Variants in SIPA1L3 observed in about 807,000 individuals in gnomAD.
SIPA1L3 encodes signal induced proliferation associated 1 like 3, also known as signal-induced proliferation-associated 1-like protein 3.
A neutral mutation model predicts 150.1 loss-of-function variants in SIPA1L3; 59 were observed. The observed-to-expected ratio is 0.39, with a 90% CI of 0.32 to 0.49. The LOEUF is 0.49. SIPA1L3 is among the 20% of genes least tolerant of loss of function. The pLI is 0.86. For synonymous variants in SIPA1L3, 1,070 were observed against 1,077.6 expected (o/e 0.99, Z 0.14); for missense variants, 2,211 against 2,489.5 (o/e 0.89, Z 2.38).
chr19:38,081,281 C>T lies in SIPA1L3; in HGVS notation c.-285C>T, dbSNP rs769530892. ...CATGGCGAGGACAACATCCTTGCTG[C>T]CTCCAGCTGGCGGGCGACCACAGCT... On this transcript the variant is annotated 5_prime_UTR_variant, in exon 3 of 22. Coordinates refer to ENST00000222345, the MANE Select transcript of SIPA1L3 (RefSeq NM_015073.3). 2.4e-5 allele frequency: 10 copies of T among 423,750 alleles called. No individual in the cohort carries two copies. The highest frequency in any genetic ancestry group is 3.3e-5 in the Non-Finnish European group (8 of 239,808). 26.2% of individuals were successfully genotyped at this position (423,750 alleles called of 1,614,324 possible).
At chr19:38,079,489 A>G (rs1306669412) in intron 2 of SIPA1L3, among the ~76,000 whole-genome samples, 4 of 152,156 alleles carry the variant, frequency 2.6e-5, no homozygotes, top group Non-Finnish European at 5.9e-5. Flanking sequence ...AAAGGCTTCC[A>G]GAAGACCGGG....
intron 9 of SIPA1L3, among the ~76,000 whole-genome samples, chr19:38,124,439 G>A (rs1171894178): frequency 1.3e-5 from 2 of 151,336 alleles, no homozygotes; most frequent in Non-Finnish European, 2.9e-5. Flanking sequence ...CTTCCTAGAT[G>A]GGATGGCGGC....
rs575958512 is a variant in SIPA1L3 at position 37,977,592 on chromosome 19, C to A, written c.-378-51497C>A. On this transcript the variant is annotated intron_variant, in intron 1 of 21. Transcript: ENST00000222345. ...TGGCAGTCCCCTCCACGCCCCCCCC[C>A]ACAGAAGTAGGAGGAACGAGGGAGA... Among the ~76,000 whole-genome samples the A allele has an allele frequency of 1.0e-3, 156 of 152,258 alleles. 1 individual carries two copies. The highest frequency in any genetic ancestry group is 2.7e-3 in the African/African-American group (112 of 41,530).
At chr19:38,098,721 C>T (rs979188871) in intron 4 of SIPA1L3, among the ~76,000 whole-genome samples, 1 of 152,160 alleles carries the variant, frequency 6.6e-6, no homozygotes, top group Non-Finnish European at 1.5e-5. Flanking sequence ...CAATTCTCCT[C>T]ATATCTCATT....
chr19:38,098,262 A>G (rs548038532), intron 4 of SIPA1L3, among the ~76,000 whole-genome samples: 18 of 152,318 alleles, frequency 1.2e-4, no homozygotes, highest in African/African-American at 4.3e-4. Context: ...GGCAGCTGCA[A>G]GGATTAACTT....
At chr19:38,152,708 C>T in intron 12 of SIPA1L3, 132 bp from the exon 13 acceptor site, 1 of 945,652 alleles carries the variant, frequency 1.1e-6, no homozygotes, top group Non-Finnish European at 1.5e-6. Flanking sequence ...TTCCTAACCG[C>T]TTTCTCTCAT....
intron 10 of SIPA1L3, among the ~76,000 whole-genome samples, chr19:38,139,000 A>C (rs897913739): frequency 1.3e-5 from 2 of 151,564 alleles, no homozygotes; most frequent in African/African-American, 4.8e-5. Context: ...ATTCAAGACC[A>C]GCCTGGGCAA....
intron 10 of SIPA1L3, among the ~76,000 whole-genome samples, chr19:38,136,859 C>A (rs190303745): frequency 6.6e-6 from 1 of 152,254 alleles, no homozygotes; most frequent in East Asian, 1.9e-4. Context: ...TTCCAGAGCC[C>A]CAAGGTGGTT....
At position 38,082,701 on chromosome 19, in the gene SIPA1L3, C is replaced by T. The variant is rs1034352819; in HGVS notation, c.1136C>T (p.Ser379Leu). ...GGTGCTTCGGCCGCTTCCGCCGCCT[C>T]GGCCATGGCCTCCCTCACGGCCTCG... ...TTGASAASAA[S>L]AMASLTASRA... Residue 379 changes from serine (S) to leucine (L), a missense_variant, in exon 3 of 22, where the codon TCG becomes TTG. Coordinates refer to ENST00000222345, the MANE Select transcript of SIPA1L3 (RefSeq NM_015073.3). 30 of 1,610,126 alleles carry T rather than the reference C, an allele frequency of 1.9e-5. No homozygotes were observed. The highest frequency in any genetic ancestry group is 2.5e-5 in the Non-Finnish European group (30 of 1,178,916).
intron 2 of SIPA1L3, among the ~76,000 whole-genome samples, chr19:38,066,552 G>A (rs565702747): frequency 6.6e-5 from 10 of 152,306 alleles, no homozygotes; most frequent in Admixed American, 3.3e-4. Flanking sequence ...GAAGCCAGGC[G>A]CGGTGGCTCA....
intron 10 of SIPA1L3, among the ~76,000 whole-genome samples, chr19:38,140,964 A>C (rs554838355): frequency 1.5e-4 from 22 of 150,818 alleles, no homozygotes; most frequent in Admixed American, 1.3e-3. Context: ...AGGCTGAGGC[A>C]CGAGAATCGC....
At chr19:37,995,523 CG>C (rs1967617426) in intron 1 of SIPA1L3, among the ~76,000 whole-genome samples, 1 of 152,012 alleles carries the variant, frequency 6.6e-6, no homozygotes, top group Admixed American at 6.6e-5. Flanking sequence ...GCTGCAAGTG[CG>C]GGGGAACACA....
chr19:37,975,985 A>G (rs1967065297), intron 1 of SIPA1L3, among the ~76,000 whole-genome samples: 1 of 152,006 alleles, frequency 6.6e-6, no homozygotes, highest in South Asian at 2.1e-4. Context: ...GGCGCCAGTA[A>G]TCTCAGCTAC....
intron 13 of SIPA1L3, among the ~76,000 whole-genome samples, chr19:38,155,037 A>G (rs968464020): frequency 2.6e-5 from 4 of 152,200 alleles, no homozygotes; most frequent in Non-Finnish European, 5.9e-5. Context: ...CTGAGATTAC[A>G]GGTGTGAGCC....
intron 1 of SIPA1L3, among the ~76,000 whole-genome samples, chr19:37,981,733 C>T (rs1461132808): frequency 1.3e-5 from 2 of 152,150 alleles, no homozygotes. Flanking sequence ...GGACACCTTC[C>T]CGCAAATCCT....
chr19:38,017,758 T>C (rs1968271871), intron 1 of SIPA1L3, among the ~76,000 whole-genome samples: 1 of 152,100 alleles, frequency 6.6e-6, no homozygotes, highest in Admixed American at 6.6e-5. Flanking sequence ...TTTGAATTCC[T>C]GGGCTAAAGC....
At chr19:37,930,170 G>A (rs1006458860) in intron 1 of SIPA1L3, among the ~76,000 whole-genome samples, 2 of 151,882 alleles carry the variant, frequency 1.3e-5, no homozygotes, top group Non-Finnish European at 1.5e-5. Context: ...GACTACGGGC[G>A]CCCGCCACCA....
chr19:37,941,071 T>TATACACACACAC (rs879854997), intron 1 of SIPA1L3, among the ~76,000 whole-genome samples: 2 of 133,086 alleles, frequency 1.5e-5, no homozygotes, highest in African/African-American at 5.4e-5. Context: ...GTTTGAGATG[T>TATACACACACAC]ACACACACAC....
At chr19:38,063,295 A>G (rs948714201) in intron 2 of SIPA1L3, among the ~76,000 whole-genome samples, 2 of 150,600 alleles carry the variant, frequency 1.3e-5, no homozygotes, top group Non-Finnish European at 3.0e-5. Flanking sequence ...CATCCCTGCC[A>G]GCCTTCCCAC....
Sources: gnomAD v4.1 joint callset for allele counts (sites outside exome capture counted in the v4.1 genomes callset) on GRCh38, gnomAD v4.1.1 for gene constraint, MANE v1.5 for transcripts, NCBI Gene and HGNC (gene_info 2026-07-23, HGNC 2026-07-21) for gene names.